Variants in SLC2A13 observed in about 807,000 individuals in gnomAD.
The protein encoded by SLC2A13 is solute carrier family 2 member 13.
Under a neutral mutation model 64.4 loss-of-function variants are expected in SLC2A13, and 32 were observed. The ratio of observed to expected loss-of-function variants is 0.50; its 90% confidence interval spans 0.37 to 0.67. SLC2A13 has a LOEUF of 0.67. SLC2A13 is among the 30% of genes least tolerant of loss of function. SLC2A13 has a pLI of 0.00. For missense variants in SLC2A13, 743 were observed against 829.2 expected (o/e 0.90, Z 1.28); for synonymous variants, 338 against 327.1 (o/e 1.03, Z -0.36).
chr12:39,792,687 C>T (rs547832687), intron 7 of SLC2A13, among the ~76,000 whole-genome samples: 1 of 152,058 alleles, frequency 6.6e-6, no homozygotes, highest in South Asian at 2.1e-4. Flanking sequence ...TACCAAAAGT[C>T]AGATATAGAT....
At chr12:40,056,825 A>G (rs1247511044) in intron 1 of SLC2A13, among the ~76,000 whole-genome samples, 1 of 152,206 alleles carries the variant, frequency 6.6e-6, no homozygotes, top group East Asian at 1.9e-4. Flanking sequence ...TTGCAAAATA[A>G]TAAATGAACA....
chr12:39,874,935 G>T (rs74900566), intron 4 of SLC2A13, among the ~76,000 whole-genome samples: 2,616 of 152,272 alleles, frequency 0.017, 94 homozygotes, highest in African/African-American at 0.06. Context: ...AAACAGTAAG[G>T]GGAGGAGCTG....
In SLC2A13 at chr12:39,773,920, G is replaced by A. The variant is rs537327957; in HGVS notation, c.1446-9062C>T. ...CTACCATCGTTCTACTGGGCTTACT[G>A]CACAAGCTTGCTAATTCATTACTGA... On this transcript the variant is annotated intron_variant, in intron 7 of 9. Transcript: ENST00000280871. Among the ~76,000 whole-genome samples, 3 of 152,272 alleles carry A rather than the reference G, an allele frequency of 2.0e-5. No individual in the cohort carries two copies. The East Asian group carries it at 5.8e-4, about 29-fold the overall frequency.
intron 1 of SLC2A13, among the ~76,000 whole-genome samples, chr12:40,077,248 T>C (rs1286154912): frequency 6.6e-6 from 1 of 152,178 alleles, no homozygotes; most frequent in African/African-American, 2.4e-5. Flanking sequence ...TAGAATGGTA[T>C]TTCCTAGGCT....
At chr12:40,020,389 T>G (rs185166914) in intron 3 of SLC2A13, among the ~76,000 whole-genome samples, 110 of 152,298 alleles carry the variant, frequency 7.2e-4, no homozygotes, top group African/African-American at 2.5e-3. Flanking sequence ...TTTAAAACTG[T>G]GTGACTTTCT....
At chr12:39,908,974 T>C (rs1288986286) in intron 4 of SLC2A13, among the ~76,000 whole-genome samples, 6 of 151,588 alleles carry the variant, frequency 4.0e-5, no homozygotes, top group African/African-American at 1.2e-4. Context: ...ATTTAAAAAA[T>C]TAATAAGCAT....
At chr12:39,843,780 C>T (rs1440768736) in intron 6 of SLC2A13, among the ~76,000 whole-genome samples, 1 of 151,974 alleles carries the variant, frequency 6.6e-6, no homozygotes, top group Non-Finnish European at 1.5e-5. Context: ...TTGTTTGTTG[C>T]TTTAAACCAC....
intron 1 of SLC2A13, among the ~76,000 whole-genome samples, chr12:40,099,061 A>G (rs1443443973): frequency 1.3e-5 from 2 of 152,206 alleles, no homozygotes; most frequent in African/African-American, 4.8e-5. Flanking sequence ...CACCATTTCA[A>G]ATGGTGGCCT....
intron 6 of SLC2A13, chr12:39,830,476 A>G: frequency 1.7e-6 from 2 of 1,206,760 alleles, no homozygotes; most frequent in Non-Finnish European, 2.1e-6. Context: ...CTTGGATCTG[A>G]GAGACTGAAT....
chr12:39,882,090 C>G (rs1944351192), intron 4 of SLC2A13, among the ~76,000 whole-genome samples: 1 of 152,122 alleles, frequency 6.6e-6, no homozygotes, highest in South Asian at 2.1e-4. Context: ...AGACTTTATT[C>G]CAGACACTGC....
chr12:39,942,717 G>A (rs945648623), intron 4 of SLC2A13, among the ~76,000 whole-genome samples: 2 of 152,106 alleles, frequency 1.3e-5, no homozygotes, highest in Admixed American at 6.6e-5. Context: ...CCTTTAGCTC[G>A]GAGGAGTTTG....
rs1186284417 is a variant in SLC2A13 at position 39,895,795 on chromosome 12, TGTATATGCGTGTATACGTACACAC to T, written c.1035-23858_1035-23835del. 3.9e-3 allele frequency among the ~76,000 whole-genome samples: 383 copies of T among 99,256 alleles called. 126 individuals are homozygous for T. Among genetic ancestry groups the T allele is most frequent in the African/African-American group, 0.012 (290 of 24,628 alleles). 65.1% of individuals were successfully genotyped at this position (99,256 alleles called of 152,430 possible). A position where few individuals can be genotyped will look rare whatever the true frequency, so the allele number is the denominator to read the frequency against. ...GTATATGCGTGTATACGTACACACA[TGTATATGCGTGTATACGTACACAC>T]ATGTATATGCGTGTATATGCACACA... is the stretch of plus-strand genomic sequence containing the variant. On this transcript the variant is annotated intron_variant, in intron 4 of 9. Transcript: ENST00000280871.
intron 4 of SLC2A13, among the ~76,000 whole-genome samples, chr12:39,938,430 T>C (rs150426959): frequency 1.3e-5 from 2 of 152,014 alleles, no homozygotes; most frequent in African/African-American, 4.8e-5. Flanking sequence ...CAAAAATCAT[T>C]TGTTTGTGTC....
At chr12:39,926,005 T>C (rs1180573226) in intron 4 of SLC2A13, among the ~76,000 whole-genome samples, 1 of 152,138 alleles carries the variant, frequency 6.6e-6, no homozygotes, top group Non-Finnish European at 1.5e-5. Flanking sequence ...GATAGTAAAA[T>C]AAAAATGAAG....
At chr12:40,037,507 T>A (rs1417755279) in intron 2 of SLC2A13, among the ~76,000 whole-genome samples, 1 of 151,688 alleles carries the variant, frequency 6.6e-6, no homozygotes, top group African/African-American at 2.4e-5. Flanking sequence ...TGGTCCCACC[T>A]ACTCAGGAGG....
chr12:39,802,294 T>C (rs1941819911), intron 7 of SLC2A13: 1 of 152,188 alleles, frequency 6.6e-6, no homozygotes, highest in African/African-American at 2.4e-5. Context: ...TTCAGGGATA[T>C]GTGATCTGAA....
chr12:39,939,967 A>G (rs867946354), intron 4 of SLC2A13, among the ~76,000 whole-genome samples: 2 of 152,158 alleles, frequency 1.3e-5, no homozygotes, highest in Admixed American at 6.5e-5. Context: ...CCAGAGTCCC[A>G]TGGTGGAGAC....
At chr12:39,941,595 T>C (rs538860062) in intron 4 of SLC2A13, among the ~76,000 whole-genome samples, 1 of 152,226 alleles carries the variant, frequency 6.6e-6, no homozygotes, top group East Asian at 1.9e-4. Flanking sequence ...ATTCATGTCC[T>C]GAGCCTACTT....
intron 3 of SLC2A13, among the ~76,000 whole-genome samples, chr12:39,978,127 A>G (rs1443489533): frequency 3.3e-5 from 5 of 152,206 alleles, no homozygotes; most frequent in Admixed American, 6.5e-5. Context: ...GAGTGAGTGA[A>G]TGAAACGTTT....
Sources: allele counts gnomAD v4.1 joint callset (sites outside exome capture counted in the v4.1 genomes callset), GRCh38; gene constraint gnomAD v4.1.1; transcripts MANE v1.5; gene names NCBI Gene and HGNC (gene_info 2026-07-23, HGNC 2026-07-21).